Variants in SPATA18 observed in about 807,000 individuals in gnomAD.
SPATA18 encodes mitochondria-eating protein.
SPATA18 carries 54 observed loss-of-function variants against 68.1 expected under a neutral mutation model. The ratio of observed to expected loss-of-function variants is 0.79; its 90% CI spans 0.64 to 0.99. SPATA18 has a LOEUF of 0.99. SPATA18 is among the 50% of genes least tolerant of loss of function. The pLI, the probability that SPATA18 is intolerant of heterozygous loss-of-function variation, is 0.00. For missense variants in SPATA18, 724 were observed against 681.1 expected, an observed-to-expected ratio of 1.06 and a Z score of -0.70; for synonymous variants, 242 against 244.8, an observed-to-expected ratio of 0.99 and a Z score of 0.11.
chr4:52,061,448 C>A (rs1738840539), intron 3 of SPATA18, among the ~76,000 whole-genome samples: 1 of 150,970 alleles, frequency 6.6e-6, no homozygotes, highest in Admixed American at 6.6e-5. Flanking sequence ...ATGTAAAAAA[C>A]CTGCACATTG....
chr4:52,079,798 G>A lies in SPATA18; in HGVS notation c.1234G>A (p.Asp412Asn). Residue 412 changes from aspartate to asparagine, a missense_variant, in exon 9 of 13, where the codon GAC (aspartate) becomes AAC (asparagine). By Grantham distance (23) the Asp-to-Asn change is conservative (BLOSUM62 1). Coordinates refer to ENST00000295213, the MANE Select transcript of SPATA18 (RefSeq NM_145263.4). ...NPKISFPPVV[D>N]FCLLSDFIQE... ...CAAGATTTCATTCCCTCCTGTCGTTGACTTTTGCCTTCTCAGTGACTTCAT... is the reference window on the plus strand; with the variant it reads ...CAAGATTTCATTCCCTCCTGTCGTTAACTTTTGCCTTCTCAGTGACTTCAT... 1 of 1,614,020 alleles carries A rather than the reference G, an allele frequency of 6.2e-7. No individual in the cohort carries two copies. Among genetic ancestry groups the A allele is most frequent in the Non-Finnish European group, 8.5e-7 (1 of 1,179,928 alleles).
chr4:52,085,790 T>A lies in SPATA18; in HGVS notation c.1563+791T>A, dbSNP rs147017041. 1.7e-3 allele frequency among the ~76,000 whole-genome samples: 264 copies of A among 152,074 alleles called. 7 individuals carry two copies. In the East Asian group the frequency reaches 0.036, roughly 21 times the overall value. On this transcript the variant is annotated intron_variant, in intron 11 of 12. Transcript: ENST00000295213. Reference sequence around the variant, plus strand: ...CAGGCATGGTGGCATGTGCCTGTAGTCCCAGCTACTTAGGAGGCTGAGCTG... The same window carrying A: ...CAGGCATGGTGGCATGTGCCTGTAGACCCAGCTACTTAGGAGGCTGAGCTG...
At chr4:52,057,975 C>G (rs1275478573) in intron 1 of SPATA18, among the ~76,000 whole-genome samples, 1 of 152,232 alleles carries the variant, frequency 6.6e-6, no homozygotes, top group Non-Finnish European at 1.5e-5. Context: ...CTCAGGTTTG[C>G]TTGACTCCCA....
chr4:52,089,436 ATC>A (rs1308395823), intron 11 of SPATA18, among the ~76,000 whole-genome samples: 22 of 152,172 alleles, frequency 1.4e-4, no homozygotes, highest in African/African-American at 5.1e-4. Context: ...CTATAAATTT[ATC>A]TCTAAACACT....
chr4:52,086,449 T>A (rs896886622), intron 11 of SPATA18, among the ~76,000 whole-genome samples: 3 of 152,278 alleles, frequency 2.0e-5, no homozygotes, highest in African/African-American at 7.2e-5. Context: ...CAGTGTGTGA[T>A]GTTCCCCTCC....
intron 7 of SPATA18, among the ~76,000 whole-genome samples, chr4:52,077,732 A>G (rs979599581): frequency 4.6e-5 from 7 of 152,126 alleles, no homozygotes; most frequent in African/African-American, 1.4e-4. Context: ...TGATTGTATT[A>G]ATGCTTCTGT....
intron 9 of SPATA18, among the ~76,000 whole-genome samples, chr4:52,081,016 A>G (rs1740874850): frequency 1.3e-5 from 2 of 152,184 alleles, no homozygotes; most frequent in African/African-American, 2.4e-5. Context: ...TCTTGCTTCT[A>G]GTTTCTCCAA....
chr4:52,079,020 C>A, intron 8 of SPATA18, 127 bp downstream of exon 8: 2 of 1,062,676 alleles, frequency 1.9e-6, no homozygotes, highest in Non-Finnish European at 1.3e-6. Flanking sequence ...AAGAAAGGAA[C>A]AGCATTCAAT....
At chr4:52,057,725 G>C (rs1738473267) in intron 1 of SPATA18, among the ~76,000 whole-genome samples, 2 of 152,172 alleles carry the variant, frequency 1.3e-5, no homozygotes, top group South Asian at 4.1e-4. Context: ...AACCAGATTT[G>C]AACAAAGGTC....
At chr4:52,064,994 T>C (rs1739200666) in intron 4 of SPATA18, among the ~76,000 whole-genome samples, 1 of 152,222 alleles carries the variant, frequency 6.6e-6, no homozygotes, top group Non-Finnish European at 1.5e-5. Flanking sequence ...TATTGCATTG[T>C]GATTTTAAAT....
chr4:52,079,991 T>C, intron 9 of SPATA18, 72 bp downstream of exon 9: 1 of 1,516,942 alleles, frequency 6.6e-7, no homozygotes. Context: ...CTGAAAACAA[T>C]TTAAGGAAAA....
intron 1 of SPATA18, among the ~76,000 whole-genome samples, chr4:52,054,770 G>A (rs1008298486): frequency 1.3e-5 from 2 of 151,616 alleles, no homozygotes; most frequent in Admixed American, 6.6e-5. Context: ...TATGGACTGT[G>A]GAACGGGAGG....
chr4:52,096,430 TA>T lies in SPATA18; in HGVS notation c.*1545del, dbSNP rs1742428912. On this transcript the variant is annotated 3_prime_UTR_variant, in exon 13 of 13. Coordinates refer to ENST00000295213, the MANE Select transcript of SPATA18 (RefSeq NM_145263.4). Reference sequence around the variant, plus strand: ...CCTGCAGACTCAATGTTCCCTTTTATAACAAGTATTTTATTCTGAATATGAA... The same window carrying T: ...CCTGCAGACTCAATGTTCCCTTTTATACAAGTATTTTATTCTGAATATGAA... 1.3e-5 allele frequency: 2 copies of T among 152,116 alleles called. No individual in the cohort carries two copies. Among genetic ancestry groups the T allele is most frequent in the Non-Finnish European group, 2.9e-5 (2 of 68,018 alleles). The allele number at this position is 152,116 out of a possible 1,614,324, so 9.4% of individuals were successfully genotyped here. A position where few individuals can be genotyped will look rare whatever the true frequency, so the allele number is the denominator to read the frequency against.
At chr4:52,083,416 A>G in intron 10 of SPATA18, 1 of 985,418 alleles carries the variant, frequency 1.0e-6, no homozygotes, top group Non-Finnish European at 1.2e-6. Context: ...TAAAAATCCC[A>G]TTACAGTGAA....
In SPATA18 at chr4:52,060,905, T is replaced by G; in HGVS notation, c.309+8T>G. The stretch of plus-strand genomic sequence containing the variant: ...AAGGTCCCCTCTCTGCAGGTAGGGA[T>G]GCTGAAGGATAACCCTTGACTTTCT... On this transcript the variant is annotated splice_region_variant and intron_variant, in intron 3 of 12. Transcript: ENST00000295213. 1 of 1,603,606 alleles carries G rather than the reference T, an allele frequency of 6.2e-7. No individual in the cohort carries two copies. Among genetic ancestry groups the G allele is most frequent in the South Asian group, 1.1e-5 (1 of 90,858 alleles).
chr4:52,070,382 A>G (rs928118794), intron 5 of SPATA18, among the ~76,000 whole-genome samples: 1 of 152,180 alleles, frequency 6.6e-6, no homozygotes, highest in Admixed American at 6.5e-5. Flanking sequence ...AATTTTCAAC[A>G]TGGGAAATAA....
Position 52,094,589 on chromosome 4 carries a change from C to G in SPATA18, c.1609+17C>G, listed in dbSNP as rs1742268540. 1 of 1,612,722 alleles carries G rather than the reference C, an allele frequency of 6.2e-7. No individual in the cohort carries two copies. Among genetic ancestry groups the G allele is most frequent in the Non-Finnish European group, 8.5e-7 (1 of 1,179,060 alleles). On this transcript the variant is annotated intron_variant, in intron 12 of 12. Transcript: ENST00000295213. ...GATTGCCAAGTAAGTGGGATTAGTT[C>G]AGATGGATCAAATTTTCTGCTTTTT...
intron 11 of SPATA18, among the ~76,000 whole-genome samples, chr4:52,094,065 G>A (rs1742212469): frequency 1.3e-5 from 2 of 152,224 alleles, no homozygotes; most frequent in African/African-American, 2.4e-5. Context: ...ACGCCTGACC[G>A]GCTATGTCAC....
At chr4:52,070,256 C>T (rs1472040346) in intron 5 of SPATA18, among the ~76,000 whole-genome samples, 1 of 151,946 alleles carries the variant, frequency 6.6e-6, no homozygotes, top group Admixed American at 6.6e-5. Flanking sequence ...TAACTTTTCA[C>T]CTGACATTGT....
Sources: gnomAD v4.1 joint callset for allele counts (sites outside exome capture counted in the v4.1 genomes callset) on GRCh38, gnomAD v4.1.1 for gene constraint, MANE v1.5 for transcripts, NCBI Gene and HGNC (gene_info 2026-07-23, HGNC 2026-07-21) for gene names.